SDK1: variants seen among roughly 807,000 people sequenced by gnomAD.
SDK1 encodes protein sidekick-1.
A neutral mutation model predicts 245.5 loss-of-function variants in SDK1; 157 were observed. The observed-to-expected ratio is 0.64, with a 90% CI of 0.56 to 0.73. The LOEUF (loss-of-function observed/expected upper bound fraction) is 0.73. Ranked by LOEUF, SDK1 falls within the 30% of genes least tolerant of loss-of-function variation. SDK1 has a pLI of 0.00. For synonymous variants in SDK1, 1,647 were observed against 1,278.5 expected (o/e 1.29, Z -6.15); for missense variants, 3,583 against 3,002.3 (o/e 1.19, Z -4.52).
chr7:4,014,276 T>A (rs764673997), intron 16 of SDK1, among the ~76,000 whole-genome samples: 4 of 152,200 alleles, frequency 2.6e-5, no homozygotes, highest in Non-Finnish European at 4.4e-5. Context: ...ACTGCACATT[T>A]CTCTGTTTTG....
In SDK1 at chr7:4,020,420, A is replaced by T. The variant is rs1468865564; in HGVS notation, c.2602+3068A>T. 2.0e-5 allele frequency among the ~76,000 whole-genome samples: 3 copies of T among 152,252 alleles called. 1 individual carries two copies. The highest frequency in any genetic ancestry group is 7.2e-5 in the African/African-American group (3 of 41,570). ...TGAACAGAATGAAGCGAGCGTATGA[A>T]TTCTGTCCTGAATCCACGTTCCCCT... On this transcript the variant is annotated intron_variant, in intron 17 of 44. Coordinates refer to ENST00000404826, the MANE Select transcript of SDK1 (RefSeq NM_152744.4).
chr7:3,910,023 G>C (rs560250572), intron 5 of SDK1, among the ~76,000 whole-genome samples: 18 of 152,314 alleles, frequency 1.2e-4, no homozygotes, highest in African/African-American at 3.6e-4. Flanking sequence ...GGATGGAAAG[G>C]CCATCTGAAA....
intron 4 of SDK1, among the ~76,000 whole-genome samples, chr7:3,660,486 A>AAG (rs1554304433): frequency 1.3e-5 from 2 of 151,778 alleles, no homozygotes; most frequent in Middle Eastern, 3.4e-3. Flanking sequence ...GAGAGAGAGA[A>AAG]AGAGAGAGAG....
chr7:4,083,585 C>T (rs931905240), intron 22 of SDK1, among the ~76,000 whole-genome samples: 1 of 124,872 alleles, frequency 8.0e-6, no homozygotes, highest in Non-Finnish European at 1.7e-5. Flanking sequence ...TCCCTCCTCC[C>T]TTCTTTCCTT....
chr7:4,233,195 G>T, intron 40 of SDK1, 60 bp from the exon 41 acceptor site: 2 of 1,531,368 alleles, frequency 1.3e-6, no homozygotes, highest in South Asian at 2.4e-5. Flanking sequence ...GGTGCATGGG[G>T]CTCGCATCTG....
chr7:3,487,766 A>AAAAAG (rs1554278848), intron 1 of SDK1, among the ~76,000 whole-genome samples: 4 of 151,468 alleles, frequency 2.6e-5, no homozygotes, highest in Middle Eastern at 3.4e-3. Flanking sequence ...AAAAAAAAAA[A>AAAAAG]AAAAAAAAAA....
intron 2 of SDK1, among the ~76,000 whole-genome samples, chr7:3,627,261 T>C (rs1455230595): frequency 1.3e-5 from 2 of 152,150 alleles, no homozygotes; most frequent in Non-Finnish European, 2.9e-5. Context: ...AATCCTATTA[T>C]CCTATTAGTG....
In SDK1 at chr7:3,603,486, C is replaced by T. The variant is rs972397969; in HGVS notation, c.299-15594C>T. Among the ~76,000 whole-genome samples the T allele has an allele frequency of 8.6e-5, 13 of 151,472 alleles. 2 individuals are homozygous for T. Among genetic ancestry groups the T allele is most frequent in the Admixed American group, 7.3e-4 (11 of 15,160 alleles). On this transcript the variant is annotated intron_variant, in intron 1 of 44. Transcript: ENST00000404826. The stretch of plus-strand genomic sequence containing the variant: ...ACTCATGATTTGGCTCTCTGTTTGT[C>T]TGTTATTGGTGTATAAGAATGCTTG...
chr7:3,848,110 A>G (rs943431663), intron 5 of SDK1, among the ~76,000 whole-genome samples: 2 of 152,206 alleles, frequency 1.3e-5, no homozygotes, highest in African/African-American at 4.8e-5. Flanking sequence ...AACAAATTCC[A>G]TCTCGAGCTG....
intron 1 of SDK1, among the ~76,000 whole-genome samples, chr7:3,495,959 C>T (rs146793024): frequency 1.3e-5 from 2 of 152,296 alleles, no homozygotes; most frequent in East Asian, 1.9e-4. Context: ...ATTTTGCATA[C>T]AACTAGAACA....
intron 1 of SDK1, among the ~76,000 whole-genome samples, chr7:3,414,381 T>A (rs1779303595): frequency 6.6e-6 from 1 of 152,060 alleles, no homozygotes; most frequent in African/African-American, 2.4e-5. Flanking sequence ...AACCCTGACT[T>A]CTGTCATGGT....
chr7:3,759,358 T>A (rs1207835165), intron 4 of SDK1, among the ~76,000 whole-genome samples: 1 of 152,246 alleles, frequency 6.6e-6, no homozygotes, highest in East Asian at 1.9e-4. Context: ...CAGTGCTATA[T>A]AGAAAATAAA....
intron 5 of SDK1, among the ~76,000 whole-genome samples, chr7:3,910,564 A>C (rs1482048452): frequency 6.6e-6 from 1 of 152,148 alleles, no homozygotes; most frequent in Non-Finnish European, 1.5e-5. Flanking sequence ...CTACCATCCT[A>C]GTCTGAAGCT....
chr7:3,838,358 G>A (rs1780073541), intron 5 of SDK1, among the ~76,000 whole-genome samples: 1 of 152,176 alleles, frequency 6.6e-6, no homozygotes, highest in Non-Finnish European at 1.5e-5. Flanking sequence ...ACCCAGCATG[G>A]GGCACCCAGA....
chr7:3,994,339 C>A (rs1384526867), intron 14 of SDK1, among the ~76,000 whole-genome samples: 1 of 152,138 alleles, frequency 6.6e-6, no homozygotes, highest in Admixed American at 6.5e-5. Flanking sequence ...TGTTCCTCTT[C>A]CAAGTTAGAG....
chr7:4,189,762 C>G (rs1408267680), intron 35 of SDK1, among the ~76,000 whole-genome samples: 1 of 152,196 alleles, frequency 6.6e-6, no homozygotes, highest in Non-Finnish European at 1.5e-5. Flanking sequence ...TGCACTGCAG[C>G]CATGGCAATT....
chr7:3,465,642 C>G (rs1472187550), intron 1 of SDK1, among the ~76,000 whole-genome samples: 1 of 152,122 alleles, frequency 6.6e-6, no homozygotes. Flanking sequence ...CACCACTTTA[C>G]TGAGGGTGGG....
chr7:4,066,313 G>A (rs1428658311), intron 19 of SDK1, among the ~76,000 whole-genome samples: 1 of 152,154 alleles, frequency 6.6e-6, no homozygotes, highest in Non-Finnish European at 1.5e-5. Flanking sequence ...GGGCCAACCC[G>A]GGCAGCTGTG....
In SDK1 at chr7:4,268,784, G is replaced by A. The variant is rs1302775843; in HGVS notation, c.*3400G>A. ...CAGTCTGAAAGGTGAGGACAACGTG[G>A]AAACTCATGAGCTGAGCCTGCCCGC... On this transcript the variant is annotated 3_prime_UTR_variant, in exon 45 of 45. Coordinates refer to ENST00000404826, the MANE Select transcript of SDK1 (RefSeq NM_152744.4). 7.4e-7 allele frequency: 1 copy of A among 1,356,860 alleles called. No homozygotes were observed. The highest frequency in any genetic ancestry group is 1.9e-5 in the Admixed American group (1 of 52,568). The allele number at this position is 1,356,860 out of a possible 1,614,324, so 84.1% of individuals were successfully genotyped here. A position where few individuals can be genotyped will look rare whatever the true frequency, so the allele number is the denominator to read the frequency against.
Sources: allele counts gnomAD v4.1 joint callset (sites outside exome capture counted in the v4.1 genomes callset), GRCh38; gene constraint gnomAD v4.1.1; transcripts MANE v1.5; gene names NCBI Gene and HGNC (gene_info 2026-07-23, HGNC 2026-07-21).